The following PDE4B variants were observed in gnomAD, a reference collection of about 807,000 sequenced individuals.
PDE4B encodes the protein phosphodiesterase 4B, also known as 3',5'-cyclic-AMP phosphodiesterase 4B.
A neutral mutation model predicts 82.2 loss-of-function variants in PDE4B; 20 were observed. That is an observed-to-expected ratio of 0.24 (90% CI 0.17 to 0.35). The LOEUF is 0.35. Ranked by LOEUF, PDE4B falls within the 10% of genes least tolerant of loss-of-function variation. The pLI is 1.00. For synonymous variants in PDE4B, 320 were observed against 318.9 expected (o/e 1.00, Z -0.04); for missense variants, 655 against 907.2 (o/e 0.72, Z 3.57).
intron 3 of PDE4B, among the ~76,000 whole-genome samples, chr1:65,994,359 C>T (rs1406696051): frequency 1.3e-5 from 2 of 152,128 alleles, no homozygotes; most frequent in Non-Finnish European, 2.9e-5. Flanking sequence ...CTTATTCTTG[C>T]TTTCTGACAA....
intron 3 of PDE4B, among the ~76,000 whole-genome samples, chr1:66,001,894 T>C (rs1042901536): frequency 1.3e-5 from 2 of 152,072 alleles, no homozygotes; most frequent in Non-Finnish European, 2.9e-5. Context: ...AGCTCATTTT[T>C]GTATTTTTTG....
At chr1:66,187,354 C>A (rs1484707254) in intron 3 of PDE4B, among the ~76,000 whole-genome samples, 3 of 151,876 alleles carry the variant, frequency 2.0e-5, no homozygotes, top group African/African-American at 7.2e-5. Flanking sequence ...GCATAAAATG[C>A]ATTAGGGAGG....
chr1:66,346,235 T>C (rs1661384944), intron 8 of PDE4B, among the ~76,000 whole-genome samples: 1 of 152,238 alleles, frequency 6.6e-6, no homozygotes, highest in Non-Finnish European at 1.5e-5. Context: ...TTCAATTAAT[T>C]CATATGTGTT....
intron 3 of PDE4B, among the ~76,000 whole-genome samples, chr1:65,962,572 T>C (rs559814104): frequency 6.6e-6 from 1 of 152,110 alleles, no homozygotes; most frequent in East Asian, 1.9e-4. Context: ...GATAGGGAGA[T>C]TATCCAAATT....
intron 8 of PDE4B, among the ~76,000 whole-genome samples, chr1:66,344,973 T>C (rs561122276): frequency 6.2e-4 from 95 of 152,322 alleles, no homozygotes; most frequent in Non-Finnish European, 1.2e-3. Flanking sequence ...TATAGCTGTT[T>C]CTTATTTTTG....
At chr1:66,208,271 G>T (rs1467797472) in intron 3 of PDE4B, among the ~76,000 whole-genome samples, 1 of 152,120 alleles carries the variant, frequency 6.6e-6, no homozygotes, top group Non-Finnish European at 1.5e-5. Flanking sequence ...TATTGATATT[G>T]GTTGCTTTTA....
intron 3 of PDE4B, among the ~76,000 whole-genome samples, chr1:66,166,407 GA>G (rs1646732104): frequency 6.6e-6 from 1 of 152,106 alleles, no homozygotes; most frequent in Non-Finnish European, 1.5e-5. Flanking sequence ...TCATTAAAGT[GA>G]AAAACTTTTT....
intron 3 of PDE4B, among the ~76,000 whole-genome samples, chr1:66,091,375 G>A (rs1273936101): frequency 2.0e-5 from 3 of 151,872 alleles, no homozygotes; most frequent in Non-Finnish European, 4.4e-5. Flanking sequence ...CCTAAAGAAT[G>A]AAATTCCAAA....
rs1649322071 is a variant in PDE4B, at chr1:66,204,189, C to A, written c.282-43271C>A. ...TTTTCGTGAACCGCAAATGCTGCTG[C>A]CTGATGGGTCCTCTGGAAGTTTTGT... On this transcript the variant is annotated intron_variant, in intron 3 of 16. Coordinates refer to ENST00000341517, the MANE Select transcript of PDE4B (RefSeq NM_002600.4). 3.3e-5 allele frequency among the ~76,000 whole-genome samples: 5 copies of A among 152,202 alleles called. No individual in the cohort carries two copies. The South Asian group carries it at 1.0e-3, about 31-fold the overall frequency.
chr1:66,058,785 C>T (rs1655435885), intron 3 of PDE4B, among the ~76,000 whole-genome samples: 1 of 152,152 alleles, frequency 6.6e-6, no homozygotes, highest in African/African-American at 2.4e-5. Flanking sequence ...ATTTTTTCCC[C>T]CTAGACCTCC....
At chr1:65,832,948 G>A (rs1646099495) in intron 1 of PDE4B, among the ~76,000 whole-genome samples, 2 of 152,260 alleles carry the variant, frequency 1.3e-5, no homozygotes, top group Non-Finnish European at 2.9e-5. Context: ...TTGAGCTCAG[G>A]GAATATAGCC....
chr1:66,030,108 C>A (rs1298149119), intron 3 of PDE4B, among the ~76,000 whole-genome samples: 1 of 150,132 alleles, frequency 6.7e-6, no homozygotes, highest in African/African-American at 2.5e-5. Context: ...ATTGGGATGA[C>A]CATATGGTTT....
chr1:66,132,179 G>C (rs1157853280), intron 3 of PDE4B, among the ~76,000 whole-genome samples: 2 of 152,092 alleles, frequency 1.3e-5, no homozygotes, highest in Non-Finnish European at 1.5e-5. Context: ...TCTGACTTTA[G>C]AGTGTCCCTG....
chr1:66,289,097 A>G (rs559889790), intron 7 of PDE4B, among the ~76,000 whole-genome samples: 19 of 152,282 alleles, frequency 1.2e-4, no homozygotes, highest in African/African-American at 4.6e-4. Context: ...TGGGTCTACA[A>G]AACAATAAAA....
chr1:66,197,615 A>T (rs1409636511), intron 3 of PDE4B, among the ~76,000 whole-genome samples: 10 of 152,182 alleles, frequency 6.6e-5, no homozygotes. Flanking sequence ...GCTGATGAGA[A>T]AGAATATACA....
intron 7 of PDE4B, among the ~76,000 whole-genome samples, chr1:66,277,075 T>C (rs1291688970): frequency 6.6e-6 from 1 of 152,160 alleles, no homozygotes; most frequent in African/African-American, 2.4e-5. Flanking sequence ...GATTAGAAGA[T>C]AGGAAAGAAC....
chr1:66,026,666 A>G (rs1653451202), intron 3 of PDE4B, among the ~76,000 whole-genome samples: 1 of 152,228 alleles, frequency 6.6e-6, no homozygotes, highest in Non-Finnish European at 1.5e-5. Context: ...ATATTCATAT[A>G]AAGCACTCAG....
chr1:66,091,662 T>C (rs1645027805), intron 3 of PDE4B, among the ~76,000 whole-genome samples: 1 of 152,052 alleles, frequency 6.6e-6, no homozygotes, highest in Non-Finnish European at 1.5e-5. Flanking sequence ...AGGTCATTTA[T>C]TAAAATAGCA....
At position 66,043,551 on chromosome 1, in the gene PDE4B, C is replaced by T. The variant is rs74084797; in HGVS notation, c.281+124716C>T. Among the ~76,000 whole-genome samples the T allele has an allele frequency of 2.4e-3, 363 of 151,874 alleles. 2 individuals are homozygous for T. Among genetic ancestry groups the T allele is most frequent in the African/African-American group, 8.6e-3 (355 of 41,512 alleles). On this transcript the variant is annotated intron_variant, in intron 3 of 16. Coordinates refer to ENST00000341517, the MANE Select transcript of PDE4B (RefSeq NM_002600.4). Reference sequence around the variant, plus strand: ...CTCTTATTGTACCACCTGAGAGCAGCTGCTCTTTCGGGGGTTTCTGGTACA... The same window carrying T: ...CTCTTATTGTACCACCTGAGAGCAGTTGCTCTTTCGGGGGTTTCTGGTACA...
Sources: allele counts gnomAD v4.1 joint callset (sites outside exome capture counted in the v4.1 genomes callset), GRCh38; gene constraint gnomAD v4.1.1; transcripts MANE v1.5; gene names NCBI Gene and HGNC (gene_info 2026-07-23, HGNC 2026-07-21).